Variants in ABI1 observed in about 807,000 individuals in gnomAD.
ABI1 encodes abl interactor 1, also known as Abelson interactor 1.
A neutral mutation model predicts 54.6 loss-of-function variants in ABI1; 14 were observed. That is an observed-to-expected ratio of 0.26 (90% confidence interval 0.17 to 0.40). The LOEUF (loss-of-function observed/expected upper bound fraction) is 0.40. ABI1 is among the 10% of genes least tolerant of loss of function. The pLI, the probability that ABI1 is intolerant of heterozygous loss-of-function variation, is 1.00. For missense variants in ABI1, 443 were observed against 598.3 expected (o/e 0.74, Z 2.71); for synonymous variants, 194 against 209.3 (o/e 0.93, Z 0.63).
At chr10:26,830,123 C>T (rs895535512) in intron 1 of ABI1, among the ~76,000 whole-genome samples, 5 of 152,142 alleles carry the variant, frequency 3.3e-5, no homozygotes, top group African/African-American at 1.2e-4. Context: ...CTTGTTACCG[C>T]TAAGTAGTGT....
chr10:26,804,367 A>G (rs1481858670), intron 2 of ABI1, among the ~76,000 whole-genome samples: 1 of 151,594 alleles, frequency 6.6e-6, no homozygotes, highest in Non-Finnish European at 1.5e-5. Context: ...TGGGTGACAG[A>G]GCAAGGCTCT....
intron 2 of ABI1, among the ~76,000 whole-genome samples, chr10:26,786,017 G>A (rs565048491): frequency 4.7e-4 from 71 of 152,188 alleles, no homozygotes; most frequent in African/African-American, 1.7e-3. Flanking sequence ...TCTTCTACCA[G>A]CATCTAGGAA....
intron 2 of ABI1, among the ~76,000 whole-genome samples, chr10:26,820,760 G>C (rs1349357155): frequency 6.6e-6 from 1 of 151,590 alleles, no homozygotes; most frequent in East Asian, 2.0e-4. Context: ...GCTAATTTTT[G>C]TATTTTTAGT....
intron 10 of ABI1, among the ~76,000 whole-genome samples, chr10:26,750,849 G>A (rs897547549): frequency 5.9e-5 from 9 of 152,042 alleles, no homozygotes; most frequent in African/African-American, 2.2e-4. Flanking sequence ...AGTGAATATC[G>A]GGTACTATAG....
intron 10 of ABI1, among the ~76,000 whole-genome samples, chr10:26,749,457 C>T (rs1837339147): frequency 6.6e-6 from 1 of 152,112 alleles, no homozygotes; most frequent in Non-Finnish European, 1.5e-5. Flanking sequence ...AAACACAAAA[C>T]TCATTTTTGT....
intron 1 of ABI1, among the ~76,000 whole-genome samples, chr10:26,858,017 G>C (rs2050980013): frequency 6.6e-6 from 1 of 152,116 alleles, no homozygotes; most frequent in Non-Finnish European, 1.5e-5. Flanking sequence ...GAGTTTCTCA[G>C]CTACACACCT....
At chr10:26,818,151 T>A (rs1204507014) in intron 2 of ABI1, among the ~76,000 whole-genome samples, 5 of 63,816 alleles carry the variant, frequency 7.8e-5, no homozygotes, top group African/African-American at 1.3e-4. Flanking sequence ...AGAGCAAGAC[T>A]CCATCTCAAA....
intron 1 of ABI1, among the ~76,000 whole-genome samples, chr10:26,823,782 T>A (rs1178959661): frequency 6.6e-6 from 1 of 152,254 alleles, no homozygotes; most frequent in East Asian, 1.9e-4. Context: ...CAAAAACTAC[T>A]GTGAATCTTA....
At chr10:26,768,747 G>T in intron 6 of ABI1, 105 bp downstream of exon 6, 1 of 817,136 alleles carries the variant, frequency 1.2e-6, no homozygotes, top group Non-Finnish European at 1.9e-6. Flanking sequence ...TTTTATATTA[G>T]CATTAGAGTG....
At chr10:26,774,737 A>G (rs749983281) in intron 3 of ABI1, among the ~76,000 whole-genome samples, 3 of 152,098 alleles carry the variant, frequency 2.0e-5, no homozygotes, top group Non-Finnish European at 4.4e-5. Flanking sequence ...ATCACAAAAT[A>G]AGAAAATGCA....
chr10:26,779,744 C>A (rs1841872144), intron 2 of ABI1, among the ~76,000 whole-genome samples: 1 of 152,160 alleles, frequency 6.6e-6, no homozygotes, highest in Admixed American at 6.6e-5. Context: ...AACATTAAAT[C>A]CTTTCAAGAT....
At chr10:26,816,746 T>C (rs2047588182) in intron 2 of ABI1, among the ~76,000 whole-genome samples, 1 of 152,216 alleles carries the variant, frequency 6.6e-6, no homozygotes, top group Non-Finnish European at 1.5e-5. Context: ...AGAGAGATTT[T>C]AATGTTTTGA....
At chr10:26,842,516 A>G (rs1368645083) in intron 1 of ABI1, among the ~76,000 whole-genome samples, 1 of 152,162 alleles carries the variant, frequency 6.6e-6, no homozygotes, top group East Asian at 1.9e-4. Flanking sequence ...CACCAGCACT[A>G]TCTGGTGAGC....
At chr10:26,757,105 T>C (rs576576993) in intron 8 of ABI1, among the ~76,000 whole-genome samples, 11 of 152,228 alleles carry the variant, frequency 7.2e-5, no homozygotes, top group Non-Finnish European at 1.5e-4. Context: ...TGCTGGTTAG[T>C]ATGTAATGAA....
intron 1 of ABI1, among the ~76,000 whole-genome samples, chr10:26,855,327 A>C (rs2050717748): frequency 6.6e-6 from 1 of 152,196 alleles, no homozygotes; most frequent in South Asian, 2.1e-4. Context: ...TATTCTGTTT[A>C]TTCCACGGTA....
intron 1 of ABI1, among the ~76,000 whole-genome samples, chr10:26,859,696 G>T (rs1435169774): frequency 2.0e-5 from 3 of 152,146 alleles, no homozygotes; most frequent in African/African-American, 7.2e-5. Context: ...TACAATAACA[G>T]ATATTTTTAC....
intron 2 of ABI1, among the ~76,000 whole-genome samples, chr10:26,780,720 G>A (rs74548162): frequency 0.015 from 2,352 of 152,192 alleles, 51 homozygotes; most frequent in African/African-American, 0.054. Flanking sequence ...CACACACCTG[G>A]GTAGGCTACA....
At chr10:26,852,309 G>A (rs1380006875) in intron 1 of ABI1, among the ~76,000 whole-genome samples, 3 of 151,968 alleles carry the variant, frequency 2.0e-5, no homozygotes, top group East Asian at 1.9e-4. Context: ...GAGAAACCCT[G>A]TCTCTACTAA....
chr10:26,806,387 C>CA (rs2046877458), intron 2 of ABI1, among the ~76,000 whole-genome samples: 3 of 152,040 alleles, frequency 2.0e-5, no homozygotes, highest in African/African-American at 7.2e-5. Flanking sequence ...GGTTTTTTTC[C>CA]AAATTGATGC....
Sources: gnomAD v4.1 joint callset for allele counts (sites outside exome capture counted in the v4.1 genomes callset) on GRCh38, gnomAD v4.1.1 for gene constraint, MANE v1.5 for transcripts, NCBI Gene and HGNC (gene_info 2026-07-23, HGNC 2026-07-21) for gene names.